Variants in CLIP1 observed in about 807,000 individuals in gnomAD.
The protein encoded by CLIP1 is CAP-Gly domain containing linker protein 1.
CLIP1 carries 66 observed loss-of-function variants against 161.6 expected under a neutral mutation model. The observed-to-expected ratio is 0.41, with a 90% CI of 0.33 to 0.50. The LOEUF (loss-of-function observed/expected upper bound fraction) is 0.50, where lower values mean the gene tolerates loss of function less well. Among genes scored for constraint, CLIP1 ranks in the 20% least tolerant of loss-of-function variants. The pLI is 0.27. For missense variants in CLIP1, 1,376 were observed against 1,702.0 expected, an observed-to-expected ratio of 0.81 and a Z score of 3.37; for synonymous variants, 598 against 626.2, an observed-to-expected ratio of 0.96 and a Z score of 0.67.
chr12:122,387,452 G>A (rs1334198089), intron 1 of CLIP1, among the ~76,000 whole-genome samples: 1 of 144,314 alleles, frequency 6.9e-6, no homozygotes, highest in Non-Finnish European at 1.6e-5. Flanking sequence ...GTGGAGGCGG[G>A]GGGGAGGACT....
At chr12:122,326,862 T>C (rs1403748707) in intron 17 of CLIP1, among the ~76,000 whole-genome samples, 14 of 152,050 alleles carry the variant, frequency 9.2e-5, no homozygotes, top group Non-Finnish European at 4.4e-5. Flanking sequence ...ACTGGAGGTA[T>C]TTCACAGAAA....
At chr12:122,308,158 A>T (rs530882848) in intron 20 of CLIP1, among the ~76,000 whole-genome samples, 4 of 152,334 alleles carry the variant, frequency 2.6e-5, no homozygotes, top group African/African-American at 7.2e-5. Context: ...AGGAAGCATG[A>T]TGTCTCCTGA....
chr12:122,288,170 T>C (rs1458214942), intron 21 of CLIP1, among the ~76,000 whole-genome samples: 1 of 152,080 alleles, frequency 6.6e-6, no homozygotes, highest in Non-Finnish European at 1.5e-5. Flanking sequence ...GTAGTTGAGA[T>C]TACAGGCACC....
Position 122,288,527 on chromosome 12 carries a change from T to C in CLIP1, c.3609A>G (p.Arg1203=), listed in dbSNP as rs754412940. 2 of 1,607,316 alleles carry C rather than the reference T, an allele frequency of 1.2e-6. No homozygotes were observed. Among genetic ancestry groups the C allele is most frequent in the Non-Finnish European group, 1.7e-6 (2 of 1,179,774 alleles). Residue 1203 remains arginine, a synonymous_variant, in exon 21 of 26, where the codon AGA becomes AGG. Coordinates refer to ENST00000620786, the MANE Select transcript of CLIP1 (RefSeq NM_001247997.2). ...CTAACAACTGATTATTGAGCACAGA[T>C]CTTTCTTCTTCCAGCTAGGAAAAAA... ...VTSHQKLEEE[R]SVLNNQLLEM...
At chr12:122,334,002 T>G in intron 14 of CLIP1, 25 bp downstream of exon 14, 4 of 1,443,994 alleles carry the variant, frequency 2.8e-6, no homozygotes, top group Non-Finnish European at 3.9e-6. Flanking sequence ...TATTTAATGT[T>G]TAGTCACCAG....
intron 5 of CLIP1, among the ~76,000 whole-genome samples, chr12:122,356,763 G>A (rs559366893): frequency 2.7e-3 from 404 of 152,056 alleles, no homozygotes; most frequent in Non-Finnish European, 4.3e-3. Context: ...TCAGCCTGCC[G>A]AGTGCCTGCG....
intron 1 of CLIP1, among the ~76,000 whole-genome samples, chr12:122,389,907 C>T (rs1430752969): frequency 2.7e-5 from 4 of 149,672 alleles, no homozygotes; most frequent in East Asian, 2.0e-4. Context: ...GTCATGGGGG[C>T]GGATCCCTCA....
In CLIP1 at chr12:122,293,725, G is replaced by A. The variant is rs1168228805; in HGVS notation, c.3595-5184C>T. Among the ~76,000 whole-genome samples, 7 of 151,876 alleles carry A rather than the reference G, an allele frequency of 4.6e-5. No individual in the cohort carries two copies. In the South Asian group the frequency reaches 6.2e-4, roughly 14 times the overall value. ...ACTCCTGACCTCAGGTGATCCGCCC[G>A]CCTCGGCCTCCCAAAGTGCTGGGAT... On this transcript the variant is annotated intron_variant, in intron 20 of 25. Transcript: ENST00000620786.
intron 1 of CLIP1, among the ~76,000 whole-genome samples, chr12:122,410,437 A>G (rs574754757): frequency 6.7e-6 from 1 of 149,260 alleles, no homozygotes; most frequent in African/African-American, 2.5e-5. Flanking sequence ...ACACATATAT[A>G]TACACACAGA....
At chr12:122,336,413 TAAAAAAA>T (rs144935400) in intron 12 of CLIP1, among the ~76,000 whole-genome samples, 1 of 139,012 alleles carries the variant, frequency 7.2e-6, no homozygotes, top group African/African-American at 2.6e-5. Flanking sequence ...AGGGATAGAT[TAAAAAAA>T]AAAAAAAAAA....
chr12:122,293,343 T>C lies in CLIP1; in HGVS notation c.3595-4802A>G, dbSNP rs376021843. 4.8e-4 allele frequency among the ~76,000 whole-genome samples: 73 copies of C among 152,108 alleles called. 1 individual carries two copies. Among genetic ancestry groups the C allele is most frequent in the African/African-American group, 1.7e-3 (72 of 41,462 alleles). On this transcript the variant is annotated intron_variant, in intron 20 of 25. Coordinates refer to ENST00000620786, the MANE Select transcript of CLIP1 (RefSeq NM_001247997.2). ...TCCCAGTGGTTCCCTAGTTGGCAAA[T>C]AGATTAATGTTTAAAAAGACAAAAC...
chr12:122,378,078 T>C (rs1566196008), intron 2 of CLIP1, 118 bp from the exon 3 acceptor site: 16 of 857,538 alleles, frequency 1.9e-5, no homozygotes, highest in Non-Finnish European at 2.9e-5. Context: ...CTTAGAAAGG[T>C]GTTTTAAAGT....
rs371454290 is a variant in CLIP1, at chr12:122,400,441, C to T, written c.-106-19883G>A. On this transcript the variant is annotated intron_variant, in intron 1 of 25. Coordinates refer to ENST00000620786, the MANE Select transcript of CLIP1 (RefSeq NM_001247997.2). Reference sequence around the variant, plus strand: ...GTCCTTGGACGGGCTTCATTTCCCACGTACTGGCTGTTTCTAGAGCCAGGC... The same window carrying T: ...GTCCTTGGACGGGCTTCATTTCCCATGTACTGGCTGTTTCTAGAGCCAGGC... 5.3e-5 allele frequency: 8 copies of T among 152,332 alleles called. No individual in the cohort carries two copies. In the South Asian group the frequency reaches 8.3e-4, roughly 16 times the overall value. The allele number at this position is 152,332 out of a possible 1,614,324, so 9.4% of individuals were successfully genotyped here. A position where few individuals can be genotyped will look rare whatever the true frequency, so the allele number is the denominator to read the frequency against.
rs549426099 is a variant in CLIP1, at chr12:122,341,590, A to G, written c.1614T>C (p.Pro538=). 1.5e-4 allele frequency: 246 copies of G among 1,613,810 alleles called. 4 individuals are homozygous for G. In the South Asian group the frequency reaches 2.5e-3, roughly 16 times the overall value. ...ELRRRLESNK[P]AGDVDMSLSL... ...AAAGTGACATGTCCACATCCCCAGC[A>G]GGCTTATTGGACTCTAGCCTTCTTC... The change falls in exon 11 of 26, where the codon CCT becomes CCC. Residue 538 remains proline (P), a synonymous_variant. Coordinates refer to ENST00000620786, the MANE Select transcript of CLIP1 (RefSeq NM_001247997.2).
intron 17 of CLIP1, among the ~76,000 whole-genome samples, chr12:122,320,795 C>T (rs1566112979): frequency 6.6e-6 from 1 of 151,416 alleles, no homozygotes; most frequent in Non-Finnish European, 1.5e-5. Context: ...CTGCAACCTC[C>T]GCCTCCCTGG....
intron 17 of CLIP1, chr12:122,324,318 C>T (rs1951628391): frequency 6.6e-6 from 1 of 152,542 alleles, no homozygotes; most frequent in Non-Finnish European, 1.5e-5. Context: ...GATTTCAGAC[C>T]CCTCAGCTCT....
In CLIP1 at chr12:122,377,391, A is replaced by G; in HGVS notation, c.655T>C (p.Leu219=). The change falls in exon 3 of 26, where the codon TTG becomes CTG. Residue 219 remains leucine, a splice_region_variant and synonymous_variant. Coordinates refer to ENST00000620786, the MANE Select transcript of CLIP1 (RefSeq NM_001247997.2). The part of the protein sequence containing the change: ...ERELKIGDRV[L]VGGTKAGVVR... ...CCTCAGAATGTTTCTCTACTCACCA[A>G]TACTCTGTCTCCGATTTTGAGCTCT... The G allele has an allele frequency of 6.2e-7, 1 of 1,611,912 alleles. No individual in the cohort carries two copies. Among genetic ancestry groups the G allele is most frequent in the South Asian group, 1.1e-5 (1 of 90,802 alleles).
In CLIP1 at chr12:122,320,627, G is replaced by A. The variant is rs113898231; in HGVS notation, c.3250-1279C>T. ...TAGTCCCAGCTACTCAAGAGGGTGA[G>A]GCAGGAGAATCGCTTGAACCCGGGA... On this transcript the variant is annotated intron_variant, in intron 17 of 25. Coordinates refer to ENST00000620786, the MANE Select transcript of CLIP1 (RefSeq NM_001247997.2). Among the ~76,000 whole-genome samples, 567 of 152,044 alleles carry A rather than the reference G, an allele frequency of 3.7e-3. 3 individuals are homozygous for A. The highest frequency in any genetic ancestry group is 0.013 in the African/African-American group (524 of 41,518).
Position 122,309,752 on chromosome 12 carries a change from G to A in CLIP1, c.3594+10C>T. On this transcript the variant is annotated intron_variant, in intron 20 of 25. Transcript: ENST00000620786. ...GGCACAGCTGGAACCCCTCGCCAAA[G>A]GACACTGACCTTTTGATGACTTGTG... 6.2e-7 allele frequency: 1 copy of A among 1,611,966 alleles called. No individual in the cohort carries two copies. The highest frequency in any genetic ancestry group is 1.1e-5 in the South Asian group (1 of 90,978).
Sources: gnomAD v4.1 joint callset for allele counts (sites outside exome capture counted in the v4.1 genomes callset) on GRCh38, gnomAD v4.1.1 for gene constraint, MANE v1.5 for transcripts, NCBI Gene and HGNC (gene_info 2026-07-23, HGNC 2026-07-21) for gene names.